TUT4: variants seen among roughly 807,000 people sequenced by gnomAD.
The protein encoded by TUT4 is terminal uridylyl transferase 4, also known as terminal uridylyltransferase 4.
TUT4 carries 36 observed loss-of-function variants against 192.2 expected under a neutral mutation model. That is an observed-to-expected ratio of 0.19 (90% CI 0.14 to 0.25). TUT4 has a LOEUF of 0.25. TUT4 is among the 10% of genes least tolerant of loss of function. The pLI is 1.00. For missense variants in TUT4, 1,493 were observed against 1,957.2 expected (o/e 0.76, Z 4.47); for synonymous variants, 618 against 666.0 (o/e 0.93, Z 1.11).
At chr1:52,537,414 GT>G (rs1242860814) in intron 1 of TUT4, among the ~76,000 whole-genome samples, 1 of 152,002 alleles carries the variant, frequency 6.6e-6, no homozygotes, top group Non-Finnish European at 1.5e-5. Context: ...TTGATAAAAG[GT>G]TCAATCCAGC....
intron 1 of TUT4, among the ~76,000 whole-genome samples, chr1:52,548,290 TATTTA>T (rs1224510304): frequency 6.6e-6 from 1 of 152,026 alleles, no homozygotes; most frequent in South Asian, 2.1e-4. Flanking sequence ...GTTAGTTAAA[TATTTA>T]ATTTAATAAT....
At position 52,466,645 on chromosome 1, in the gene TUT4, CAA is replaced by C. The variant is rs71579929; in HGVS notation, c.2966-1474_2966-1473del. The stretch of plus-strand genomic sequence containing the variant: ...CGGGTGACAGAGTAATATCCTATTT[CAA>C]AAAAAAAAAAAAATATATATATATA... On this transcript the variant is annotated intron_variant, in intron 15 of 29. Coordinates refer to ENST00000257177, the MANE Select transcript of TUT4 (RefSeq NM_001009881.3). Among the ~76,000 whole-genome samples the C allele has an allele frequency of 6.0e-3, 715 of 118,250 alleles. 7 individuals carry two copies. The highest frequency in any genetic ancestry group is 0.02 in the African/African-American group (562 of 28,552). The allele number at this position is 118,250 out of a possible 152,430, so 77.6% of individuals were successfully genotyped here.
chr1:52,436,938 C>G lies in TUT4; in HGVS notation c.3979G>C (p.Glu1327Gln). 1 of 1,613,720 alleles carries G rather than the reference C, an allele frequency of 6.2e-7. No individual in the cohort carries two copies. The highest frequency in any genetic ancestry group is 8.5e-7 in the Non-Finnish European group (1 of 1,180,002). The change falls in exon 26 of 30, where the codon GAG becomes CAG. Residue 1327 changes from glutamate to glutamine, a missense_variant. This residue lies in a region of TUT4 where 141 missense variants were observed against 382.7 expected (regional missense o/e 0.37). Transcript: ENST00000257177. ...TTCTCTTCTTCATTCCCTTCCTTCTCTTCTTCACTGTCTTTCTTCTTTAGT... is the reference window on the plus strand; with the variant it reads ...TTCTCTTCTTCATTCCCTTCCTTCTGTTCTTCACTGTCTTTCTTCTTTAGT... The part of the protein sequence containing the change: ...FRLKKKDSEE[E>Q]KEGNEEEKDS...
intron 1 of TUT4, among the ~76,000 whole-genome samples, chr1:52,531,384 G>A (rs1683366409): frequency 6.6e-6 from 1 of 152,082 alleles, no homozygotes; most frequent in Admixed American, 6.6e-5. Flanking sequence ...AACCATGGCT[G>A]TAAGAAGTGA....
rs574038004 is a variant in TUT4, at chr1:52,539,016, T to C, written c.-93-12643A>G. ...AGTTATACAATTTGGAGATAATTTG[T>C]ACTGGGTTGCGAAGTTACAGAATCA... On this transcript the variant is annotated intron_variant, in intron 1 of 29. Coordinates refer to ENST00000257177, the MANE Select transcript of TUT4 (RefSeq NM_001009881.3). Among the ~76,000 whole-genome samples the C allele has an allele frequency of 1.4e-4, 21 of 152,298 alleles. No individual in the cohort carries two copies. The South Asian group carries it at 3.5e-3, about 26-fold the overall frequency.
intron 24 of TUT4, among the ~76,000 whole-genome samples, chr1:52,444,925 GTATATA>G (rs766186397): frequency 1.6e-5 from 2 of 125,694 alleles, no homozygotes; most frequent in Admixed American, 7.2e-5. Flanking sequence ...ACATGTATGT[GTATATA>G]TATGTATATA....
chr1:52,433,269 C>T (rs1301493238), intron 27 of TUT4: 1 of 152,106 alleles, frequency 6.6e-6, no homozygotes, highest in Admixed American at 6.6e-5. Flanking sequence ...TGGGGTTTTA[C>T]CATGTTGGTC....
At chr1:52,450,204 C>T (rs1658946432) in intron 20 of TUT4, among the ~76,000 whole-genome samples, 1 of 152,154 alleles carries the variant, frequency 6.6e-6, no homozygotes, top group Admixed American at 6.6e-5. Flanking sequence ...CAAATGGAGG[C>T]AGACATCATT....
At position 52,461,698 on chromosome 1, in the gene TUT4, T is replaced by C. The variant is rs1350733440; in HGVS notation, c.3127+14A>G. On this transcript the variant is annotated intron_variant, in intron 17 of 29. Coordinates refer to ENST00000257177, the MANE Select transcript of TUT4 (RefSeq NM_001009881.3). ...AATTTATTTTGTTTTACAGATAAGATTCAAAATTCATACCTGGATGTCTCT... is the reference window on the plus strand; with the variant it reads ...AATTTATTTTGTTTTACAGATAAGACTCAAAATTCATACCTGGATGTCTCT... 6.5e-7 allele frequency: 1 copy of C among 1,529,730 alleles called. No individual in the cohort carries two copies. The highest frequency in any genetic ancestry group is 8.9e-7 in the Non-Finnish European group (1 of 1,125,002). 94.8% of individuals were successfully genotyped at this position (1,529,730 alleles called of 1,614,324 possible). A position where few individuals can be genotyped will look rare whatever the true frequency, so the allele number is the denominator to read the frequency against.
At position 52,525,913 on chromosome 1, in the gene TUT4, C is replaced by G; in HGVS notation, c.368G>C (p.Ser123Thr). The G allele has an allele frequency of 1.9e-6, 3 of 1,614,070 alleles. No homozygotes were observed. The highest frequency in any genetic ancestry group is 2.5e-6 in the Non-Finnish European group (3 of 1,180,008). The change falls in exon 2 of 30, where the codon AGT (serine) becomes ACT (threonine). Residue 123 changes from serine (S) to threonine (T), a missense_variant. Ser to Thr is a moderately conservative substitution (Grantham distance 58, BLOSUM62 1). Transcript: ENST00000257177. ...TGATTTTTCTGCTTTTGCCTGTAAA[C>G]TGGTTGCCTTTTCTGATTTTGCCTG... is the stretch of plus-strand genomic sequence containing the variant. ...ISQAKSEKAT[S>T]LQAKAEKSPK...
At position 52,456,778 on chromosome 1, in the gene TUT4, T is replaced by C. The variant is rs138326277; in HGVS notation, c.3435+1558A>G. Among the ~76,000 whole-genome samples the C allele has an allele frequency of 5.0e-3, 766 of 152,296 alleles. 8 individuals are homozygous for C. Among genetic ancestry groups the C allele is most frequent in the African/African-American group, 0.017 (709 of 41,568 alleles). On this transcript the variant is annotated intron_variant, in intron 20 of 29. Coordinates refer to ENST00000257177, the MANE Select transcript of TUT4 (RefSeq NM_001009881.3). ...TGGCATATATTGATGTATCATTGAT[T>C]ATGATAAAATGTGTACATCATTATA...
At chr1:52,455,042 T>C (rs771247768) in intron 20 of TUT4, among the ~76,000 whole-genome samples, 1 of 152,148 alleles carries the variant, frequency 6.6e-6, no homozygotes, top group Non-Finnish European at 1.5e-5. Context: ...GCACTCACTT[T>C]GGGAGGCCAA....
rs1653970747 is a variant in TUT4, at chr1:52,436,916, T to C, written c.4001A>G (p.Glu1334Gly). The change falls in exon 26 of 30, where the codon GAG becomes GGG. Residue 1334 changes from glutamate to glycine, a missense_variant. This residue lies in a region of TUT4 where 141 missense variants were observed against 382.7 expected (regional missense o/e 0.37). Coordinates refer to ENST00000257177, the MANE Select transcript of TUT4 (RefSeq NM_001009881.3). The part of the protein sequence containing the change: ...SEEEKEGNEE[E>G]KDSRDVLDPR... The stretch of plus-strand genomic sequence containing the variant: ...GTCAAGAACATCTCGGGAATCTTTC[T>C]CTTCTTCATTCCCTTCCTTCTCTTC... The C allele has an allele frequency of 1.2e-6, 2 of 1,613,966 alleles. No homozygotes were observed. Among genetic ancestry groups the C allele is most frequent in the Non-Finnish European group, 1.7e-6 (2 of 1,179,950 alleles).
At chr1:52,542,765 A>AT (rs553985195) in intron 1 of TUT4, among the ~76,000 whole-genome samples, 16,748 of 146,090 alleles carry the variant, frequency 0.11, 975 homozygotes, top group East Asian at 0.19. Context: ...TTATTTATTT[A>AT]TTTATTTTTT....
chr1:52,497,318 T>C lies in TUT4; in HGVS notation c.1000-135A>G, dbSNP rs965888894. ...CCTTCCATCTACCAGATACCTACAA[T>C]ACGGAAGTGAACAAAAGACTTCTGC... On this transcript the variant is annotated intron_variant, in intron 4 of 29. Coordinates refer to ENST00000257177, the MANE Select transcript of TUT4 (RefSeq NM_001009881.3). 15 of 883,646 alleles carry C rather than the reference T, an allele frequency of 1.7e-5. No individual in the cohort carries two copies. The African/African-American group carries it at 2.6e-4, about 15-fold the overall frequency. The allele number at this position is 883,646 out of a possible 1,614,324, so 54.7% of individuals were successfully genotyped here. A position where few individuals can be genotyped will look rare whatever the true frequency, so the allele number is the denominator to read the frequency against.
At chr1:52,466,370 C>T (rs919846424) in intron 15 of TUT4, among the ~76,000 whole-genome samples, 2 of 151,792 alleles carry the variant, frequency 1.3e-5, no homozygotes, top group African/African-American at 2.4e-5. Context: ...AGGCGAGGTG[C>T]GGTGGCTCAT....
intron 27 of TUT4, chr1:52,433,703 C>T (rs188012814): frequency 5.5e-4 from 83 of 152,260 alleles, no homozygotes; most frequent in Admixed American, 4.1e-3. Flanking sequence ...CCTGAGGGTT[C>T]GCGTTCTGAT....
chr1:52,482,054 G>T, intron 9 of TUT4, 131 bp from the exon 10 acceptor site: 3 of 628,814 alleles, frequency 4.8e-6, no homozygotes, highest in South Asian at 6.5e-5. Context: ...GGAATAACTT[G>T]AAATATCATC....
At chr1:52,467,433 T>C (rs531371630) in intron 15 of TUT4, among the ~76,000 whole-genome samples, 3 of 152,218 alleles carry the variant, frequency 2.0e-5, no homozygotes, top group Non-Finnish European at 2.9e-5. Context: ...TCTTTCTTTC[T>C]CTCATGCCTC....
Sources: gnomAD v4.1 joint callset for allele counts (sites outside exome capture counted in the v4.1 genomes callset) on GRCh38, gnomAD v4.1.1 for gene constraint, gnomAD v4.1.1 regional missense constraint, MANE v1.5 for transcripts, NCBI Gene and HGNC (gene_info 2026-07-23, HGNC 2026-07-21) for gene names.